ATG4C: variants seen among roughly 807,000 people sequenced by gnomAD.
ATG4C encodes the protein cysteine protease ATG4C.
Under a neutral mutation model 57.6 loss-of-function variants are expected in ATG4C, and 56 were observed. The ratio of observed to expected loss-of-function variants is 0.97; its 90% CI spans 0.78 to 1.21. The LOEUF is 1.21. Among genes scored for constraint, ATG4C ranks in the 50% most tolerant of loss-of-function variants. The probability of loss-of-function intolerance (pLI) is 0.00; values close to 1 mark genes in which losing one functional copy is unlikely to be tolerated. For missense variants in ATG4C, 595 were observed against 529.8 expected, an observed-to-expected ratio of 1.12 and a Z score of -1.21; for synonymous variants, 157 against 174.1, an observed-to-expected ratio of 0.90 and a Z score of 0.78.
intron 10 of ATG4C, among the ~76,000 whole-genome samples, chr1:62,859,840 G>A (rs904385783): frequency 1.2e-3 from 178 of 151,712 alleles, no homozygotes; most frequent in African/African-American, 4.1e-3. Context: ...GATTACAGGC[G>A]CCCACCACCA....
chr1:62,790,819 C>A (rs758470890), intron 1 of ATG4C, among the ~76,000 whole-genome samples: 2 of 152,124 alleles, frequency 1.3e-5, no homozygotes, highest in Non-Finnish European at 2.9e-5. Context: ...TCAAGTGATT[C>A]CATTTGTAAA....
intron 5 of ATG4C, among the ~76,000 whole-genome samples, chr1:62,820,434 TTTC>T (rs944795247): frequency 2.6e-5 from 4 of 152,086 alleles, no homozygotes; most frequent in Non-Finnish European, 1.5e-5. Context: ...TTTGCCAGTC[TTTC>T]TTCTACACTA....
chr1:62,817,703 G>A (rs1428635211), intron 4 of ATG4C, among the ~76,000 whole-genome samples: 1 of 152,112 alleles, frequency 6.6e-6, no homozygotes, highest in East Asian at 1.9e-4. Context: ...AAATGTCATT[G>A]ATACTTAACT....
chr1:62,802,682 T>C (rs1664721082), intron 1 of ATG4C, among the ~76,000 whole-genome samples: 1 of 152,208 alleles, frequency 6.6e-6, no homozygotes, highest in Admixed American at 6.5e-5. Flanking sequence ...ATTTTTAACC[T>C]GGTCTACAAG....
At chr1:62,823,882 T>G (rs146325266) in intron 6 of ATG4C, among the ~76,000 whole-genome samples, 3 of 152,198 alleles carry the variant, frequency 2.0e-5, no homozygotes, top group Non-Finnish European at 1.5e-5. Context: ...GTTATACCTT[T>G]GGCAGTCTTT....
At chr1:62,807,135 C>G (rs1664907577) in intron 3 of ATG4C, among the ~76,000 whole-genome samples, 1 of 152,144 alleles carries the variant, frequency 6.6e-6, no homozygotes, top group Non-Finnish European at 1.5e-5. Context: ...AAAATAATAA[C>G]TGAATATATG....
chr1:62,810,950 GA>G (rs922968469), intron 3 of ATG4C, among the ~76,000 whole-genome samples: 2 of 152,090 alleles, frequency 1.3e-5, no homozygotes, highest in African/African-American at 2.4e-5. Context: ...CTATCATAGA[GA>G]AATTTTTTAA....
rs1454837615 is a variant in ATG4C, at chr1:62,819,112, G to C, written c.502G>C (p.Glu168Gln). The change falls in exon 5 of 11, where the codon GAA (glutamate) becomes CAA (glutamine). Residue 168 changes from glutamate (E) to glutamine (Q), a missense_variant. By Grantham distance (29) the Glu-to-Gln change is conservative. Transcript: ENST00000317868. ...TASFEASLSG[E>Q]REFKTPTISL... ...ATCATTTGAAGCATCACTTTCAGGG[G>C]AAAGAGAATTCAAAACCCCAACAAT... is the stretch of plus-strand genomic sequence containing the variant. 1.2e-6 allele frequency: 2 copies of C among 1,613,232 alleles called. No homozygotes were observed. Among genetic ancestry groups the C allele is most frequent in the East Asian group, 2.2e-5 (1 of 44,848 alleles).
At chr1:62,827,009 G>A (rs1665683477) in intron 6 of ATG4C, among the ~76,000 whole-genome samples, 1 of 152,034 alleles carries the variant, frequency 6.6e-6, no homozygotes, top group East Asian at 1.9e-4. Context: ...AGTAAGTAAA[G>A]GAATAAAAAA....
At chr1:62,863,968 ATTC>A (rs1423731276) in intron 10 of ATG4C, 21 bp from the exon 11 acceptor site, 2 of 1,509,656 alleles carry the variant, frequency 1.3e-6, no homozygotes, top group East Asian at 2.3e-5. Context: ...CCAATAAGGA[ATTC>A]TTCTATACTT....
chr1:62,827,068 G>C (rs1665685650), intron 6 of ATG4C, among the ~76,000 whole-genome samples: 2 of 152,106 alleles, frequency 1.3e-5, no homozygotes, highest in South Asian at 4.2e-4. Flanking sequence ...AGTCTATTAT[G>C]AACACAGGAA....
rs147906663 is a variant in ATG4C at position 62,826,832 on chromosome 1, A to G, written c.797-2208A>G. Among the ~76,000 whole-genome samples, 855 of 148,966 alleles carry G rather than the reference A, an allele frequency of 5.7e-3. 10 individuals are homozygous for G. Among genetic ancestry groups the G allele is most frequent in the African/African-American group, 0.02 (820 of 40,340 alleles). ...TGTTCAGTTCCCACCTATGAGTGAG[A>G]ACATGCGGTATTTGGTTTTCTGTCC... On this transcript the variant is annotated intron_variant, in intron 6 of 10. Transcript: ENST00000317868.
At chr1:62,857,975 T>G (rs1666737588) in intron 10 of ATG4C, among the ~76,000 whole-genome samples, 1 of 152,182 alleles carries the variant, frequency 6.6e-6, no homozygotes, top group African/African-American at 2.4e-5. Flanking sequence ...GGGATGTAGA[T>G]GCAGTGCTGT....
chr1:62,785,010 C>G (rs1457569950), intron 1 of ATG4C, among the ~76,000 whole-genome samples: 1 of 152,188 alleles, frequency 6.6e-6, no homozygotes, highest in Non-Finnish European at 1.5e-5. Context: ...GTTATTTACC[C>G]ACATGGGGCT....
Position 62,864,727 on chromosome 1 carries a change from G to A in ATG4C, c.*568G>A, listed in dbSNP as rs1409439035. 2.0e-5 allele frequency: 3 copies of A among 151,932 alleles called. No homozygotes were observed. Among genetic ancestry groups the A allele is most frequent in the East Asian group, 3.8e-4 (2 of 5,202 alleles). The allele number at this position is 151,932 out of a possible 1,614,324, so 9.4% of individuals were successfully genotyped here. On this transcript the variant is annotated 3_prime_UTR_variant, in exon 11 of 11. Transcript: ENST00000317868. ...ATACTTAGCAATATGATTTTATAAT[G>A]GCTCCTCATTATGCTTGCTGTTGAA...
chr1:62,838,302 T>TTG (rs1448320197), intron 9 of ATG4C, among the ~76,000 whole-genome samples: 10 of 152,320 alleles, frequency 6.6e-5, no homozygotes, highest in Admixed American at 1.3e-4. Context: ...CTACTCCTCT[T>TTG]ACCAATCATT....
chr1:62,855,234 T>C (rs762715588), intron 10 of ATG4C, among the ~76,000 whole-genome samples: 4 of 152,168 alleles, frequency 2.6e-5, no homozygotes, highest in Admixed American at 6.6e-5. Context: ...TGCTTACTTT[T>C]CATGGGTATC....
chr1:62,827,693 T>C (rs1345311223), intron 6 of ATG4C, among the ~76,000 whole-genome samples: 1 of 152,162 alleles, frequency 6.6e-6, no homozygotes, highest in Non-Finnish European at 1.5e-5. Flanking sequence ...GGGGTACATG[T>C]GGTACTTGTT....
intron 1 of ATG4C, among the ~76,000 whole-genome samples, chr1:62,798,314 G>A (rs1664541102): frequency 6.6e-6 from 1 of 152,034 alleles, no homozygotes; most frequent in South Asian, 2.1e-4. Context: ...TATTAAATTA[G>A]CCATCTTTTC....
Sources: allele counts gnomAD v4.1 joint callset (sites outside exome capture counted in the v4.1 genomes callset), GRCh38; gene constraint gnomAD v4.1.1; transcripts MANE v1.5; gene names NCBI Gene and HGNC (gene_info 2026-07-23, HGNC 2026-07-21).